The following SSBP2 variants were observed in gnomAD, a reference collection of about 807,000 sequenced individuals.
SSBP2 encodes single-stranded DNA-binding protein 2.
Under a neutral mutation model 61.8 loss-of-function variants are expected in SSBP2, and 17 were observed. That is an observed-to-expected ratio of 0.28 (90% CI 0.19 to 0.41). The LOEUF (loss-of-function observed/expected upper bound fraction) is 0.41. Ranked by LOEUF, SSBP2 falls within the 10% of genes least tolerant of loss-of-function variation. The pLI is 1.00. For synonymous variants in SSBP2, 139 were observed against 141.3 expected (o/e 0.98, Z 0.12); for missense variants, 310 against 458.7 (o/e 0.68, Z 2.96).
chr5:81,739,324 T>C (rs1756848122), intron 1 of SSBP2, among the ~76,000 whole-genome samples: 1 of 152,180 alleles, frequency 6.6e-6, no homozygotes, highest in African/African-American at 2.4e-5. Flanking sequence ...AATGCCTCCA[T>C]GTTGCTGTAC....
At chr5:81,739,834 G>C (rs1021226383) in intron 1 of SSBP2, among the ~76,000 whole-genome samples, 1 of 152,026 alleles carries the variant, frequency 6.6e-6, no homozygotes, top group Non-Finnish European at 1.5e-5. Flanking sequence ...TTATTATTCT[G>C]TACAATTCTA....
chr5:81,559,973 T>C (rs1772916607), intron 4 of SSBP2, among the ~76,000 whole-genome samples: 1 of 152,214 alleles, frequency 6.6e-6, no homozygotes, highest in Non-Finnish European at 1.5e-5. Flanking sequence ...AGTAAATACA[T>C]AATTTCATTC....
Position 81,472,693 on chromosome 5 carries a change from A to G in SSBP2, c.570+1007T>C, listed in dbSNP as rs1765327999. On this transcript the variant is annotated intron_variant, in intron 8 of 16. Coordinates refer to ENST00000320672, the MANE Select transcript of SSBP2 (RefSeq NM_012446.5). ...TGTCTCACTGCAACCTCTGCCTCCC[A>G]GGTTTAAGCGATTCTTCTGCCTCAT... 2.0e-5 allele frequency among the ~76,000 whole-genome samples: 3 copies of G among 152,176 alleles called. No individual in the cohort carries two copies. In the South Asian group the frequency reaches 6.2e-4, roughly 32 times the overall value.
intron 1 of SSBP2, among the ~76,000 whole-genome samples, chr5:81,717,936 G>A (rs534994064): frequency 3.9e-5 from 6 of 152,242 alleles, no homozygotes; most frequent in Admixed American, 1.3e-4. Flanking sequence ...GTCTCTCCAC[G>A]TAAAACAAAT....
At chr5:81,421,433 T>C (rs1207517022) in intron 16 of SSBP2, among the ~76,000 whole-genome samples, 5 of 152,118 alleles carry the variant, frequency 3.3e-5, no homozygotes, top group African/African-American at 1.2e-4. Context: ...GCTCAAGCAA[T>C]CTGCTCACCT....
chr5:81,498,799 A>G (rs1397701957), intron 5 of SSBP2, among the ~76,000 whole-genome samples: 3 of 152,002 alleles, frequency 2.0e-5, no homozygotes, highest in Admixed American at 2.0e-4. Flanking sequence ...GTATTAAATA[A>G]ATAATATTGA....
Position 81,419,150 on chromosome 5 carries a change from G to A in SSBP2, c.*1354C>T, listed in dbSNP as rs1262497151. The A allele has an allele frequency of 1.3e-5, 2 of 152,114 alleles. No individual in the cohort carries two copies. Among genetic ancestry groups the A allele is most frequent in the Non-Finnish European group, 2.9e-5 (2 of 68,014 alleles). The allele number at this position is 152,114 out of a possible 1,614,324, so 9.4% of individuals were successfully genotyped here. A position where few individuals can be genotyped will look rare whatever the true frequency, so the allele number is the denominator to read the frequency against. On this transcript the variant is annotated 3_prime_UTR_variant, in exon 17 of 17. Transcript: ENST00000320672. ...CAAGGTGCTTTCCATAAGGGAATTA[G>A]ATTAAAAAAAATTTACTTATTCTTT...
chr5:81,687,689 G>C (rs1752918052), intron 1 of SSBP2, among the ~76,000 whole-genome samples: 1 of 152,206 alleles, frequency 6.6e-6, no homozygotes, highest in South Asian at 2.1e-4. Flanking sequence ...GCACCAGGCA[G>C]AGTCGTGAAG....
At chr5:81,628,333 C>A (rs1479307920) in intron 3 of SSBP2, among the ~76,000 whole-genome samples, 1 of 152,168 alleles carries the variant, frequency 6.6e-6, no homozygotes, top group African/African-American at 2.4e-5. Flanking sequence ...CCTCATGATT[C>A]AATTACCTCT....
chr5:81,428,468 A>C, intron 16 of SSBP2, 117 bp downstream of exon 16: 1 of 672,832 alleles, frequency 1.5e-6, no homozygotes, highest in Non-Finnish European at 2.5e-6. Flanking sequence ...CTCTTATCTA[A>C]AAGATAAACC....
At chr5:81,538,813 G>C (rs1303624162) in intron 4 of SSBP2, among the ~76,000 whole-genome samples, 1 of 152,160 alleles carries the variant, frequency 6.6e-6, no homozygotes, top group Non-Finnish European at 1.5e-5. Context: ...CCGAATATTT[G>C]AAGCCCACTG....
chr5:81,612,333 G>T (rs1745531319), intron 4 of SSBP2, among the ~76,000 whole-genome samples: 1 of 152,068 alleles, frequency 6.6e-6, no homozygotes, highest in Non-Finnish European at 1.5e-5. Flanking sequence ...ATTTCATTAA[G>T]TTTTTTAGTT....
intron 15 of SSBP2, among the ~76,000 whole-genome samples, chr5:81,430,299 C>T (rs1003532763): frequency 6.6e-5 from 10 of 152,000 alleles, no homozygotes; most frequent in African/African-American, 2.4e-4. Flanking sequence ...ATTGGTAATA[C>T]TAGAATAAAA....
chr5:81,734,003 A>C (rs1465641078), intron 1 of SSBP2, among the ~76,000 whole-genome samples: 1 of 152,214 alleles, frequency 6.6e-6, no homozygotes, highest in Non-Finnish European at 1.5e-5. Context: ...AAACAATCAG[A>C]AATATGCAAG....
intron 3 of SSBP2, among the ~76,000 whole-genome samples, chr5:81,634,416 G>A (rs1047547315): frequency 3.9e-5 from 6 of 152,002 alleles, no homozygotes; most frequent in African/African-American, 1.2e-4. Context: ...TTGAAGTCTC[G>A]TGTCTCCCTA....
intron 1 of SSBP2, among the ~76,000 whole-genome samples, chr5:81,671,604 A>G (rs947459111): frequency 2.6e-5 from 4 of 152,182 alleles, no homozygotes; most frequent in African/African-American, 9.6e-5. Context: ...ATGAATAAAC[A>G]CTTACTATGC....
intron 4 of SSBP2, among the ~76,000 whole-genome samples, chr5:81,533,428 TAAG>T (rs1382353258): frequency 6.6e-6 from 1 of 151,904 alleles, no homozygotes; most frequent in Non-Finnish European, 1.5e-5. Context: ...AAAGGAAATG[TAAG>T]AAAAGAAAAC....
At chr5:81,538,626 G>A (rs1041047520) in intron 4 of SSBP2, among the ~76,000 whole-genome samples, 4 of 152,208 alleles carry the variant, frequency 2.6e-5, no homozygotes, top group African/African-American at 9.6e-5. Context: ...TCTCTTGTTA[G>A]GCTGGTTCTC....
chr5:81,722,894 G>A lies in SSBP2; in HGVS notation c.62+28087C>T, dbSNP rs146755951. On this transcript the variant is annotated intron_variant, in intron 1 of 16. Transcript: ENST00000320672. ...AATATCAAAATTCTACTTACTTCCA[G>A]CTCAAATAAATCCTTCCCTGATTTA... Among the ~76,000 whole-genome samples, 38 of 151,936 alleles carry A rather than the reference G, an allele frequency of 2.5e-4. No individual in the cohort carries two copies. The East Asian group carries it at 6.8e-3, about 27-fold the overall frequency.
Sources: gnomAD v4.1 joint callset for allele counts (sites outside exome capture counted in the v4.1 genomes callset) on GRCh38, gnomAD v4.1.1 for gene constraint, MANE v1.5 for transcripts, NCBI Gene and HGNC (gene_info 2026-07-23, HGNC 2026-07-21) for gene names.